The following DPP6 variants were observed in gnomAD, a reference collection of about 807,000 sequenced individuals.
DPP6 encodes the protein dipeptidyl peptidase like 6, also known as A-type potassium channel modulatory protein DPP6.
A neutral mutation model predicts 122.6 loss-of-function variants in DPP6; 69 were observed. The observed-to-expected ratio is 0.56, with a 90% CI of 0.46 to 0.69. DPP6 has a LOEUF of 0.69. Among genes scored for constraint, DPP6 ranks in the 30% least tolerant of loss-of-function variants. The probability of loss-of-function intolerance (pLI) is 0.00; values close to 1 mark genes in which losing one functional copy is unlikely to be tolerated. For missense variants in DPP6, 928 were observed against 1,116.9 expected (o/e 0.83, Z 2.41); for synonymous variants, 418 against 433.1 (o/e 0.97, Z 0.43).
At chr7:154,795,112 AGGAC>A (rs1797962492) in intron 11 of DPP6, among the ~76,000 whole-genome samples, 7 of 152,110 alleles carry the variant, frequency 4.6e-5, no homozygotes, top group Admixed American at 1.3e-4. Context: ...AAGGAACGTG[AGGAC>A]ACAAAGCAGG....
At chr7:154,691,064 A>G (rs1839904447) in intron 7 of DPP6, among the ~76,000 whole-genome samples, 1 of 152,246 alleles carries the variant, frequency 6.6e-6, no homozygotes, top group African/African-American at 2.4e-5. Flanking sequence ...TGTGACGAGC[A>G]ACGTCAAAGT....
chr7:154,815,601 G>T (rs75507574), intron 16 of DPP6, among the ~76,000 whole-genome samples: 1 of 152,166 alleles, frequency 6.6e-6, no homozygotes, highest in Non-Finnish European at 1.5e-5. Context: ...AGTGAGTTCC[G>T]TGTATGAATT....
intron 1 of DPP6, among the ~76,000 whole-genome samples, chr7:154,001,007 G>C (rs1422471018): frequency 1.3e-5 from 2 of 152,110 alleles, no homozygotes; most frequent in Non-Finnish European, 2.9e-5. Flanking sequence ...TCTCATGAAG[G>C]GTTTCCTTCT....
At chr7:154,014,717 G>A (rs112704870) in intron 1 of DPP6, among the ~76,000 whole-genome samples, 1 of 151,860 alleles carries the variant, frequency 6.6e-6, no homozygotes, top group Non-Finnish European at 1.5e-5. Flanking sequence ...TACTCTGCTT[G>A]TATTTTTTGT....
intron 1 of DPP6, among the ~76,000 whole-genome samples, chr7:154,433,873 C>G (rs1479404097): frequency 6.6e-6 from 1 of 152,176 alleles, no homozygotes; most frequent in East Asian, 1.9e-4. Flanking sequence ...TTCCTTTAGG[C>G]CTACACGTTC....
the DPP6 span, among the ~76,000 whole-genome samples, chr7:153,840,712 CT>C: frequency 6.6e-6 from 1 of 151,966 alleles, no homozygotes; most frequent in East Asian, 1.9e-4. Flanking sequence ...TAGGGGATTA[CT>C]GTAAGAACTT....
intron 2 of DPP6, 110 bp from the exon 3 acceptor site, chr7:154,474,829 A>T (rs1822582824): frequency 1.3e-6 from 1 of 784,806 alleles, no homozygotes; most frequent in African/African-American, 1.7e-5. Flanking sequence ...TATGGACGTC[A>T]TGTGTGTTCC....
At chr7:154,354,476 T>A (rs931026227) in intron 1 of DPP6, among the ~76,000 whole-genome samples, 1 of 152,130 alleles carries the variant, frequency 6.6e-6, no homozygotes, top group Non-Finnish European at 1.5e-5. Context: ...TCCCTTCCAA[T>A]TCCAAGCTAC....
rs200073053 is a variant in DPP6, at chr7:154,188,590, CT to C, written c.243+135528del. Among the ~76,000 whole-genome samples the C allele has an allele frequency of 9.2e-3, 1,394 of 152,206 alleles. 23 individuals are homozygous for C. The highest frequency in any genetic ancestry group is 0.031 in the African/African-American group (1,303 of 41,528). ...GAATTCAAAACTGGAAGGAGGACCC[CT>C]AACCCTGTCATTTGCCCAGTTAAGG... On this transcript the variant is annotated intron_variant, in intron 1 of 25. Coordinates refer to ENST00000377770, the MANE Select transcript of DPP6 (RefSeq NM_130797.4).
intron 1 of DPP6, among the ~76,000 whole-genome samples, chr7:153,926,528 T>C (rs1800907931): frequency 6.6e-6 from 1 of 152,122 alleles, no homozygotes; most frequent in South Asian, 2.1e-4. Context: ...TTTATTTAGA[T>C]GGTACAGGTG....
At chr7:154,680,448 A>G (rs999394241) in intron 7 of DPP6, among the ~76,000 whole-genome samples, 1 of 152,202 alleles carries the variant, frequency 6.6e-6, no homozygotes, top group African/African-American at 2.4e-5. Context: ...ATCATGGAGT[A>G]TCCATAGGAA....
chr7:154,134,955 T>C (rs1795469896), intron 1 of DPP6, among the ~76,000 whole-genome samples: 1 of 151,842 alleles, frequency 6.6e-6, no homozygotes, highest in Non-Finnish European at 1.5e-5. Flanking sequence ...TTCCTGTGAG[T>C]GTACACTTCC....
intron 1 of DPP6, among the ~76,000 whole-genome samples, chr7:154,293,203 T>C (rs565865913): frequency 1.3e-5 from 2 of 152,322 alleles, no homozygotes; most frequent in South Asian, 4.1e-4. Flanking sequence ...AAGTCATAGG[T>C]AATACTTAGG....
intron 5 of DPP6, among the ~76,000 whole-genome samples, chr7:154,569,725 C>T (rs1830991540): frequency 6.7e-6 from 1 of 148,300 alleles, no homozygotes. Context: ...TGGGTTACCA[C>T]TGCACTAAAA....
At chr7:154,757,974 C>T (rs1019372652) in intron 8 of DPP6, among the ~76,000 whole-genome samples, 2 of 152,098 alleles carry the variant, frequency 1.3e-5, no homozygotes, top group Non-Finnish European at 1.5e-5. Context: ...CTCTCCCCCC[C>T]GCCCTCTCCC....
chr7:154,682,053 A>G (rs983612415), intron 7 of DPP6, among the ~76,000 whole-genome samples: 6 of 152,252 alleles, frequency 3.9e-5, no homozygotes, highest in Non-Finnish European at 2.9e-5. Context: ...ATTAAATGTC[A>G]GATTTATAGA....
Position 153,891,460 on chromosome 7 carries a change from C to A in DPP6, c.51+3726C>A, listed in dbSNP as rs532755566. On this transcript the variant is annotated intron_variant, in intron 1 of 25. Coordinates refer to the DPP6 transcript ENST00000404039. ...ATAAATATTTTTTACTTGCTCGAAA[C>A]AAAAATTATTTTTTTAAAAATAGCT... Among the ~76,000 whole-genome samples, 645 of 152,154 alleles carry A rather than the reference C, an allele frequency of 4.2e-3. 6 individuals are homozygous for A. Among genetic ancestry groups the A allele is most frequent in the African/African-American group, 0.014 (595 of 41,530 alleles).
chr7:154,268,101 A>T (rs1803557023), intron 1 of DPP6, among the ~76,000 whole-genome samples: 1 of 152,126 alleles, frequency 6.6e-6, no homozygotes, highest in South Asian at 2.1e-4. Flanking sequence ...CCACTGAATT[A>T]CCTTAACAGC....
chr7:153,979,872 C>T lies in DPP6; in HGVS notation c.51+92138C>T, dbSNP rs148682288. On this transcript the variant is annotated intron_variant, in intron 1 of 25. Coordinates refer to the DPP6 transcript ENST00000404039. ...TTATTGATTTGCATGTGTTGAACCA[C>T]CCTTACATCCCAGAGTTGAAGCCGA... 8.8e-4 allele frequency among the ~76,000 whole-genome samples: 134 copies of T among 152,208 alleles called. 1 individual carries two copies. The highest frequency in any genetic ancestry group is 3.1e-3 in the African/African-American group (130 of 41,548).
Sources: gnomAD v4.1 joint callset for allele counts (sites outside exome capture counted in the v4.1 genomes callset) on GRCh38, gnomAD v4.1.1 for gene constraint, MANE v1.5 for transcripts, NCBI Gene and HGNC (gene_info 2026-07-23, HGNC 2026-07-21) for gene names.